Variants in ST7 observed in about 807,000 individuals in gnomAD.
The protein encoded by ST7 is suppressor of tumorigenicity 7 protein.
In ST7, 28 loss-of-function variants were observed where a neutral mutation model predicts 78.7. That is an observed-to-expected ratio of 0.36 (90% CI 0.26 to 0.49). The LOEUF is 0.49. Among genes scored for constraint, ST7 ranks in the 20% least tolerant of loss-of-function variants. ST7 has a pLI of 0.99. For missense variants in ST7, 418 were observed against 696.0 expected (o/e 0.60, Z 4.49); for synonymous variants, 247 against 249.6 (o/e 0.99, Z 0.10).
chr7:117,093,027 G>A (rs923270564), intron 1 of ST7, among the ~76,000 whole-genome samples: 1 of 152,186 alleles, frequency 6.6e-6, no homozygotes, highest in African/African-American at 2.4e-5. Flanking sequence ...ATGGCCTGTG[G>A]CTCAATTGAT....
intron 1 of ST7, among the ~76,000 whole-genome samples, chr7:117,059,856 GC>G (rs1362470231): frequency 1.3e-5 from 2 of 150,072 alleles, no homozygotes; most frequent in East Asian, 2.0e-4. Flanking sequence ...GGTAATGTGT[GC>G]CTGTAGTCCT....
At chr7:116,983,994 A>G (rs1033522442) in intron 1 of ST7, among the ~76,000 whole-genome samples, 2 of 152,086 alleles carry the variant, frequency 1.3e-5, no homozygotes, top group African/African-American at 4.8e-5. Context: ...GGTGATATCG[A>G]TCAAATTATG....
chr7:117,152,530 A>G (rs1384712250), intron 9 of ST7, among the ~76,000 whole-genome samples: 1 of 152,096 alleles, frequency 6.6e-6, no homozygotes, highest in Non-Finnish European at 1.5e-5. Context: ...TGACTCTGCC[A>G]GCCATTCCTC....
At chr7:116,964,336 G>C (rs1285799865) in intron 1 of ST7, among the ~76,000 whole-genome samples, 1 of 152,158 alleles carries the variant, frequency 6.6e-6, no homozygotes, top group African/African-American at 2.4e-5. Context: ...TACAAATTGG[G>C]TTTTTTCATT....
At chr7:117,018,599 T>A (rs371316410) in intron 1 of ST7, among the ~76,000 whole-genome samples, 3 of 152,334 alleles carry the variant, frequency 2.0e-5, no homozygotes, top group East Asian at 3.9e-4. Flanking sequence ...ATTATCGTAG[T>A]GTGCTTAAGA....
At chr7:117,078,582 A>G (rs1799526569) in intron 1 of ST7, among the ~76,000 whole-genome samples, 1 of 152,210 alleles carries the variant, frequency 6.6e-6, no homozygotes, top group African/African-American at 2.4e-5. Flanking sequence ...AGGCATAGAA[A>G]TTTATGTCGA....
chr7:117,208,905 GTGT>G (rs1563170005), intron 12 of ST7, among the ~76,000 whole-genome samples: 40 of 15,372 alleles, frequency 2.6e-3, no homozygotes, highest in Admixed American at 0.014. Flanking sequence ...ATGTGTGGGT[GTGT>G]GTGTGTGTGT....
intron 15 of ST7, among the ~76,000 whole-genome samples, chr7:117,225,456 T>G (rs1027936174): frequency 6.6e-6 from 1 of 152,148 alleles, no homozygotes; most frequent in Non-Finnish European, 1.5e-5. Context: ...TTCCAAAATG[T>G]CTGTAGAGAC....
chr7:117,007,491 A>AT (rs1190451191), intron 1 of ST7, among the ~76,000 whole-genome samples: 2 of 152,246 alleles, frequency 1.3e-5, no homozygotes, highest in Non-Finnish European at 2.9e-5. Flanking sequence ...AGCCATCTGC[A>AT]TAACATAAAA....
intron 1 of ST7, chr7:117,098,639 C>T (rs1014088443): frequency 8.9e-6 from 3 of 335,662 alleles, no homozygotes; most frequent in Admixed American, 5.5e-5. Flanking sequence ...AATGAGTGAA[C>T]GTGGGATCTC....
At chr7:117,115,099 T>TAAGATATAGG (rs1050399485) in intron 2 of ST7, among the ~76,000 whole-genome samples, 3 of 152,132 alleles carry the variant, frequency 2.0e-5, no homozygotes, top group African/African-American at 7.2e-5. Flanking sequence ...TTCTGCCTTG[T>TAAGATATAGG]AAGATATAGG....
chr7:117,091,693 A>G (rs1220834803), intron 1 of ST7, among the ~76,000 whole-genome samples: 1 of 152,170 alleles, frequency 6.6e-6, no homozygotes, highest in African/African-American at 2.4e-5. Flanking sequence ...ATTTTCATGA[A>G]TTATTATGTT....
intron 1 of ST7, among the ~76,000 whole-genome samples, chr7:117,052,577 G>T (rs2116377398): frequency 6.6e-6 from 1 of 152,326 alleles, no homozygotes. Context: ...CCAGTGCCAA[G>T]AAGTAACATT....
rs1795614772 is a variant in ST7, at chr7:117,016,340, T to C, written c.151+62649T>C. Among the ~76,000 whole-genome samples, 4 of 152,212 alleles carry C rather than the reference T, an allele frequency of 2.6e-5. No homozygotes were observed. The South Asian group carries it at 8.3e-4, about 32-fold the overall frequency. On this transcript the variant is annotated intron_variant, in intron 1 of 15. Transcript: ENST00000323984. ...CATTGAAGCAGGAAGGAACACATTT[T>C]AGCCATATGCAGAGAAATCAAATTT...
intron 9 of ST7, among the ~76,000 whole-genome samples, chr7:117,164,782 G>A (rs996115307): frequency 3.4e-5 from 5 of 146,620 alleles, no homozygotes; most frequent in Non-Finnish European, 6.0e-5. Context: ...GCTGATGACT[G>A]GGTTTGAATC....
intron 1 of ST7, among the ~76,000 whole-genome samples, chr7:116,985,282 G>GGT (rs1794143460): frequency 6.6e-6 from 1 of 152,132 alleles, no homozygotes; most frequent in Non-Finnish European, 1.5e-5. Flanking sequence ...AATTAATGTG[G>GGT]GTAATATGGT....
intron 1 of ST7, among the ~76,000 whole-genome samples, chr7:117,002,452 C>G (rs1198944172): frequency 2.0e-5 from 3 of 151,906 alleles, no homozygotes; most frequent in African/African-American, 7.3e-5. Flanking sequence ...TGGAGATGAA[C>G]TAAGACCCAT....
intron 1 of ST7, among the ~76,000 whole-genome samples, chr7:117,000,707 A>G (rs1227147723): frequency 6.6e-6 from 1 of 152,258 alleles, no homozygotes; most frequent in Non-Finnish European, 1.5e-5. Flanking sequence ...GCGTGGCAGT[A>G]CTGCCATGTG....
At chr7:117,129,161 T>C (rs2117008458) in intron 3 of ST7, among the ~76,000 whole-genome samples, 1 of 152,012 alleles carries the variant, frequency 6.6e-6, no homozygotes, top group South Asian at 2.1e-4. Context: ...AACATGATGA[T>C]ATTAGTATGA....
Sources: gnomAD v4.1 joint callset for allele counts (sites outside exome capture counted in the v4.1 genomes callset) on GRCh38, gnomAD v4.1.1 for gene constraint, MANE v1.5 for transcripts, NCBI Gene and HGNC (gene_info 2026-07-23, HGNC 2026-07-21) for gene names.